MCF2L: variants seen among roughly 807,000 people sequenced by gnomAD.
MCF2L encodes MCF.2 cell line derived transforming sequence like, also known as guanine nucleotide exchange factor DBS.
A neutral mutation model predicts 153.4 loss-of-function variants in MCF2L; 97 were observed. The ratio of observed to expected loss-of-function variants is 0.63; its 90% confidence interval spans 0.54 to 0.75. MCF2L has a LOEUF of 0.75. Among genes scored for constraint, MCF2L ranks in the 30% least tolerant of loss-of-function variants. The pLI is 0.00. For synonymous variants in MCF2L, 659 were observed against 632.2 expected (o/e 1.04, Z -0.64); for missense variants, 1,347 against 1,495.2 (o/e 0.90, Z 1.64).
Position 113,087,484 on chromosome 13 carries a change from C to G in MCF2L, c.2595+28C>G, listed in dbSNP as rs779464741. 4 of 1,544,862 alleles carry G rather than the reference C, an allele frequency of 2.6e-6. No individual in the cohort carries two copies. In the African/African-American group the frequency reaches 5.4e-5, roughly 21 times the overall value. On this transcript the variant is annotated intron_variant, in intron 22 of 29. Coordinates refer to ENST00000535094, the MANE Select transcript of MCF2L (RefSeq NM_001112732.3). ...AAGTGAGGCCGGGTCTGCAGCAGCA[C>G]GCTCCTGGCCACAGACCCCGACGGG... is the stretch of plus-strand genomic sequence containing the variant.
chr13:112,948,351 A>T (rs1470324916), intron 2 of MCF2L, among the ~76,000 whole-genome samples: 1 of 152,202 alleles, frequency 6.6e-6, no homozygotes, highest in Non-Finnish European at 1.5e-5. Context: ...TTCCCTTTTA[A>T]TTATAAATTT....
chr13:112,905,245 C>G (rs116055595), intron 2 of MCF2L, among the ~76,000 whole-genome samples: 2 of 152,186 alleles, frequency 1.3e-5, no homozygotes, highest in African/African-American at 2.4e-5. Flanking sequence ...TTATCCCTAA[C>G]GCAGCCAGTC....
chr13:112,938,172 G>A (rs1380872272), intron 2 of MCF2L, among the ~76,000 whole-genome samples: 1 of 137,086 alleles, frequency 7.3e-6, no homozygotes. Flanking sequence ...TGAGGGGTTG[G>A]TTCAGGTGAG....
intron 3 of MCF2L, chr13:113,040,690 C>T (rs943958759): frequency 2.0e-5 from 3 of 152,566 alleles, no homozygotes; most frequent in Non-Finnish European, 4.4e-5. Flanking sequence ...AAGCATCCTC[C>T]TCGCCCCCAC....
intron 1 of MCF2L, among the ~76,000 whole-genome samples, chr13:113,012,359 T>C (rs1405658545): frequency 1.3e-5 from 1 of 74,420 alleles, no homozygotes; most frequent in Non-Finnish European, 2.8e-5. Flanking sequence ...CGGTGGACAC[T>C]GTGATGCGGA....
chr13:112,985,188 C>T, intron 1 of MCF2L: 1 of 346,222 alleles, frequency 2.9e-6, no homozygotes, highest in South Asian at 2.1e-5. Context: ...CAGGGCGGAG[C>T]AGGAATCGGC....
At chr13:112,976,976 C>G (rs1199315646) in intron 1 of MCF2L, among the ~76,000 whole-genome samples, 1 of 152,120 alleles carries the variant, frequency 6.6e-6, no homozygotes, top group Non-Finnish European at 1.5e-5. Context: ...CTCTGTCCTT[C>G]CCTGCACCCC....
At chr13:112,950,484 G>C (rs2081680964) in intron 2 of MCF2L, among the ~76,000 whole-genome samples, 1 of 152,162 alleles carries the variant, frequency 6.6e-6, no homozygotes, top group Admixed American at 6.5e-5. Context: ...CAATACTAGG[G>C]CTTATTATTG....
chr13:113,087,563 T>G, intron 22 of MCF2L, 107 bp downstream of exon 22: 1 of 1,124,664 alleles, frequency 8.9e-7, no homozygotes, highest in Non-Finnish European at 1.3e-6. Flanking sequence ...CTCTCAGCCT[T>G]AGGTGTAGGG....
chr13:112,992,462 T>C (rs1335336993), intron 1 of MCF2L, among the ~76,000 whole-genome samples: 1 of 152,196 alleles, frequency 6.6e-6, no homozygotes, highest in African/African-American at 2.4e-5. Flanking sequence ...GAAGCCGTGC[T>C]CCTGTGGGGA....
intron 1 of MCF2L, among the ~76,000 whole-genome samples, chr13:112,976,267 A>C (rs1447724428): frequency 6.6e-6 from 1 of 152,078 alleles, no homozygotes; most frequent in Non-Finnish European, 1.5e-5. Flanking sequence ...CAAAGCATGA[A>C]AACCAATTTC....
chr13:113,083,732 T>A (rs1276852794), intron 17 of MCF2L, among the ~76,000 whole-genome samples: 2 of 152,208 alleles, frequency 1.3e-5, no homozygotes, highest in African/African-American at 4.8e-5. Flanking sequence ...GTGAGCCGTG[T>A]GTGTGCTGAG....
At position 112,918,615 on chromosome 13, in the gene MCF2L, T is replaced by G. The variant is rs180717893; in HGVS notation, c.169+16244T>G. On this transcript the variant is annotated intron_variant, in intron 2 of 29. Coordinates refer to the MCF2L transcript ENST00000375608. Reference sequence around the variant, plus strand: ...TGGGGTGGCTCCAAAGTCAGCTGCCTTGGAAGATTCCAGTGATGAACAGGG... The same window carrying G: ...TGGGGTGGCTCCAAAGTCAGCTGCCGTGGAAGATTCCAGTGATGAACAGGG... 3.0e-3 allele frequency among the ~76,000 whole-genome samples: 457 copies of G among 152,290 alleles called. 1 individual carries two copies. The highest frequency in any genetic ancestry group is 4.0e-3 in the Non-Finnish European group (273 of 68,026).
intron 2 of MCF2L, among the ~76,000 whole-genome samples, chr13:112,961,189 G>A (rs2081821616): frequency 6.6e-6 from 1 of 152,124 alleles, no homozygotes; most frequent in African/African-American, 2.4e-5. Flanking sequence ...GAAGATGCGG[G>A]CTGCTAAGCT....
intron 1 of MCF2L, chr13:113,009,172 G>C (rs2083916479): frequency 6.6e-6 from 1 of 152,276 alleles, no homozygotes; most frequent in Admixed American, 6.5e-5. Context: ...GCCGGCTCCT[G>C]GCCCTTGCCG....
rs1002953840 is a variant in MCF2L, at chr13:113,098,872, T to C, written c.*2013T>C. Reference sequence around the variant, plus strand: ...GCATAAAGAAAGGGTATTGATCCAATAGAAGAAGGGAAGGGTGGAGAAAGG... The same window carrying C: ...GCATAAAGAAAGGGTATTGATCCAACAGAAGAAGGGAAGGGTGGAGAAAGG... On this transcript the variant is annotated 3_prime_UTR_variant, in exon 30 of 30. Coordinates refer to ENST00000535094, the MANE Select transcript of MCF2L (RefSeq NM_001112732.3). 13 of 152,268 alleles carry C rather than the reference T, an allele frequency of 8.5e-5. No homozygotes were observed. The highest frequency in any genetic ancestry group is 2.9e-4 in the African/African-American group (12 of 41,484). 9.4% of individuals were successfully genotyped at this position (152,268 alleles called of 1,614,324 possible).
chr13:112,951,564 A>G lies in MCF2L; in HGVS notation c.169+49193A>G, dbSNP rs1016142672. On this transcript the variant is annotated intron_variant, in intron 2 of 29. Transcript: ENST00000375608. This position sits in a 1 kb window ranked among gnomAD's most constrained non-coding sequence, Gnocchi z 4.8. ...GAATTATGCTGAGTGAAAAAAGCCA[A>G]TTCCAAAAGGTTACTGTATGATTCC... Among the ~76,000 whole-genome samples the G allele has an allele frequency of 2.0e-5, 3 of 152,202 alleles. No individual in the cohort carries two copies. Among genetic ancestry groups the G allele is most frequent in the Admixed American group, 2.0e-4 (3 of 15,286 alleles).
At position 113,064,874 on chromosome 13, in the gene MCF2L, C is replaced by T. The variant is rs935820787; in HGVS notation, c.607-62C>T. 1.3e-6 allele frequency: 2 copies of T among 1,556,284 alleles called. No individual in the cohort carries two copies. The highest frequency in any genetic ancestry group is 2.7e-5 in the African/African-American group (2 of 73,810). ...AACGGTTTCCGCCGGTGTCTGCTTT[C>T]AGGGCAGCAGGAGGTGGGTGCAGTG... On this transcript the variant is annotated intron_variant, in intron 6 of 29. Transcript: ENST00000535094. This position sits in a 1 kb window ranked among gnomAD's most constrained non-coding sequence, Gnocchi z 6.0.
intron 1 of MCF2L, among the ~76,000 whole-genome samples, chr13:112,898,443 G>T (rs138358748): frequency 1.8e-4 from 27 of 152,280 alleles, no homozygotes; most frequent in Admixed American, 3.3e-4. Flanking sequence ...CCCGTGAACC[G>T]AGCTCGGCAG....
Sources: allele counts gnomAD v4.1 joint callset (sites outside exome capture counted in the v4.1 genomes callset), GRCh38; gene constraint gnomAD v4.1.1; non-coding constraint Gnocchi (gnomAD v3.1); transcripts MANE v1.5; gene names NCBI Gene and HGNC (gene_info 2026-07-23, HGNC 2026-07-21).